The following COL17A1 variants were observed in gnomAD, a reference collection of about 807,000 sequenced individuals.
The protein encoded by COL17A1 is collagen type XVII alpha 1 chain, also known as collagen alpha-1(XVII) chain.
In COL17A1, 181 loss-of-function variants were observed where a neutral mutation model predicts 218.4. That is an observed-to-expected ratio of 0.83 (90% CI 0.73 to 0.94). The LOEUF (loss-of-function observed/expected upper bound fraction) is 0.94. Among genes scored for constraint, COL17A1 ranks in the 40% least tolerant of loss-of-function variants. The pLI is 0.00. For missense variants in COL17A1, 1,924 were observed against 1,945.9 expected, an observed-to-expected ratio of 0.99 and a Z score of 0.21; for synonymous variants, 721 against 731.0, an observed-to-expected ratio of 0.99 and a Z score of 0.22.
At chr10:104,068,966 G>A (rs2086648452) in intron 9 of COL17A1, among the ~76,000 whole-genome samples, 1 of 152,296 alleles carries the variant, frequency 6.6e-6, no homozygotes, top group Non-Finnish European at 1.5e-5. Flanking sequence ...GAAAACTGAT[G>A]TCCATACTGC....
rs1715686976 is a variant in COL17A1, at chr10:104,034,092, A to G, written c.4009T>C (p.Tyr1337His). 6.2e-7 allele frequency: 1 copy of G among 1,613,978 alleles called. No homozygotes were observed. The highest frequency in any genetic ancestry group is 8.5e-7 in the Non-Finnish European group (1 of 1,180,032). Residue 1337 changes from tyrosine to histidine, a missense_variant, in exon 52 of 56, where the codon TAT (tyrosine) becomes CAT (histidine). Coordinates refer to ENST00000648076, the MANE Select transcript of COL17A1 (RefSeq NM_000494.4). ...CCGCCTGGGCCGATGTCAGTGCCAT[A>G]GGGACCCCTGTCTCCTGCAGCTTCA... is the stretch of plus-strand genomic sequence containing the variant. ...FGEAAGDRGP[Y>H]GTDIGPGGGY...
rs1182683419 is a variant in COL17A1 at position 104,055,816 on chromosome 10, G to C, written c.1653C>G (p.Phe551Leu). 3 of 1,613,994 alleles carry C rather than the reference G, an allele frequency of 1.9e-6. No individual in the cohort carries two copies. Among genetic ancestry groups the C allele is most frequent in the Admixed American group, 3.3e-5 (2 of 60,002 alleles). The change falls in exon 18 of 56, where the codon TTC (phenylalanine) becomes TTG (leucine). Residue 551 changes from phenylalanine to leucine, a missense_variant. Physicochemically the swap from Phe to Leu is conservative, Grantham distance 22. Coordinates refer to ENST00000648076, the MANE Select transcript of COL17A1 (RefSeq NM_000494.4). Reference protein sequence around the residue: ...HSDSQEELWMFVRKKLMMEQE... With the variant: ...HSDSQEELWMLVRKKLMMEQE... Reference sequence around the variant, plus strand: ...GTTCCATCATTAGCTTCTTCCTCACGAACATCCAGAGCTCCTCCTGGCTGT... The same window carrying C: ...GTTCCATCATTAGCTTCTTCCTCACCAACATCCAGAGCTCCTCCTGGCTGT...
Position 104,073,207 on chromosome 10 carries a change from C to A in COL17A1, c.415+3G>T, listed in dbSNP as rs1331959774. ...TTGGACTGAACCCAGTGACAGCACTCACCTCGTGTTTGACTCCGTCCTCTG... is the reference window on the plus strand; with the variant it reads ...TTGGACTGAACCCAGTGACAGCACTAACCTCGTGTTTGACTCCGTCCTCTG... On this transcript the variant is annotated splice_donor_region_variant and intron_variant, in intron 7 of 55. Transcript: ENST00000648076. The A allele has an allele frequency of 1.2e-6, 2 of 1,613,782 alleles. No homozygotes were observed. The highest frequency in any genetic ancestry group is 2.2e-5 in the South Asian group (2 of 91,068).
At chr10:104,039,929 C>G in intron 41 of COL17A1, 44 bp downstream of exon 41, 2 of 1,613,858 alleles carry the variant, frequency 1.2e-6, no homozygotes, top group Non-Finnish European at 1.7e-6. Flanking sequence ...TTTTGCCATC[C>G]CCACCCCTAC....
intron 9 of COL17A1, among the ~76,000 whole-genome samples, chr10:104,068,346 A>G (rs1388079131): frequency 2.6e-5 from 4 of 152,234 alleles, no homozygotes; most frequent in Non-Finnish European, 5.9e-5. Context: ...ATCAAACTAA[A>G]GTTAAACCAC....
Position 104,034,213 on chromosome 10 carries a change from T to C in COL17A1, c.3888A>G (p.Ser1296=), listed in dbSNP as rs1362320355. ...ASHSRGSSSS[S]HSSSVRRGSS... is the part of the protein sequence containing the mutation. ...TGCCCCGCCTGACAGATGAGCTGTG[T>C]GAGGAGGAGCTGCTACCCCGACTGT... The change falls in exon 52 of 56, where the codon TCA becomes TCG. Residue 1296 remains serine, a synonymous_variant. Coordinates refer to ENST00000648076, the MANE Select transcript of COL17A1 (RefSeq NM_000494.4). The C allele has an allele frequency of 2.5e-6, 4 of 1,612,714 alleles. No individual in the cohort carries two copies. Among genetic ancestry groups the C allele is most frequent in the Non-Finnish European group, 2.5e-6 (3 of 1,179,864 alleles).
Position 104,032,415 on chromosome 10 carries a change from A to T in COL17A1, c.4439-125T>A, listed in dbSNP as rs557884523. On this transcript the variant is annotated intron_variant, in intron 55 of 55. Transcript: ENST00000648076. ...CTTCAAAGGTGAAATCTTTTGTAAG[A>T]CTACATTTATTTAACTTGTTTGCCC... 54 of 885,574 alleles carry T rather than the reference A, an allele frequency of 6.1e-5. 1 individual carries two copies. Among genetic ancestry groups the T allele is most frequent in the South Asian group, 5.6e-4 (41 of 72,738 alleles). 54.9% of individuals were successfully genotyped at this position (885,574 alleles called of 1,614,324 possible).
chr10:104,071,150 G>A (rs1222916575), intron 8 of COL17A1, among the ~76,000 whole-genome samples: 1 of 152,200 alleles, frequency 6.6e-6, no homozygotes, highest in African/African-American at 2.4e-5. Flanking sequence ...GGAAGCAGGA[G>A]AGGTGGGAGG....
chr10:104,033,153 T>C, intron 53 of COL17A1, 85 bp downstream of exon 53: 1 of 1,544,328 alleles, frequency 6.5e-7, no homozygotes, highest in South Asian at 1.2e-5. Context: ...ACTGGAGATT[T>C]CTCATGAGAC....
chr10:104,042,574 T>A (rs1356613861), intron 35 of COL17A1, 119 bp from the exon 36 acceptor site: 1 of 962,842 alleles, frequency 1.0e-6, no homozygotes, highest in Non-Finnish European at 1.6e-6. Flanking sequence ...CCTTGCTTAT[T>A]TGAGAGCAAT....
At position 104,035,281 on chromosome 10, in the gene COL17A1, G is replaced by A. The variant is rs1470789644; in HGVS notation, c.3601C>T (p.Leu1201Phe). The A allele has an allele frequency of 2.5e-6, 4 of 1,614,002 alleles. No individual in the cohort carries two copies. Among genetic ancestry groups the A allele is most frequent in the Non-Finnish European group, 3.4e-6 (4 of 1,179,956 alleles). Residue 1201 changes from leucine (L) to phenylalanine (F), a missense_variant, in exon 50 of 56, where the codon CTC becomes TTC. Transcript: ENST00000648076. ...GCCCTACTATGTAAGTAAGACGAGA[G>A]GTCCTCCACGCTGATGCTGGACCAC... ...NVWSSISVED[L>F]SSYLHTAGLS...
chr10:104,054,868 C>G (rs1034817982), intron 20 of COL17A1, 113 bp downstream of exon 20: 23 of 1,525,032 alleles, frequency 1.5e-5, no homozygotes, highest in Non-Finnish European at 2.0e-5. Flanking sequence ...CCTGTCCCAT[C>G]TGTTGTCAAA....
intron 38 of COL17A1, 63 bp from the exon 39 acceptor site, chr10:104,041,181 G>A: frequency 6.2e-7 from 1 of 1,608,726 alleles, no homozygotes; most frequent in South Asian, 1.1e-5. Context: ...CCTCTGCTCA[G>A]GAGGAGGCAG....
chr10:104,045,524 T>C (rs1267937950), intron 33 of COL17A1, among the ~76,000 whole-genome samples: 1 of 149,818 alleles, frequency 6.7e-6, no homozygotes, highest in Non-Finnish European at 1.5e-5. Context: ...CATCCAAGTA[T>C]GAAAGCAAGG....
At chr10:104,064,890 G>C (rs2086614055) in intron 9 of COL17A1, among the ~76,000 whole-genome samples, 2 of 152,138 alleles carry the variant, frequency 1.3e-5, no homozygotes, top group African/African-American at 2.4e-5. Flanking sequence ...CCCATCTCCT[G>C]GTGGGCTGTC....
At chr10:104,058,767 A>G (rs1311715142) in intron 15 of COL17A1, among the ~76,000 whole-genome samples, 1 of 152,116 alleles carries the variant, frequency 6.6e-6, no homozygotes, top group East Asian at 1.9e-4. Flanking sequence ...CCCCGTCTGT[A>G]CTAAAAATAC....
Position 104,054,666 on chromosome 10 carries a change from G to A in COL17A1, c.1744+315C>T, listed in dbSNP as rs573991389. Among the ~76,000 whole-genome samples the A allele has an allele frequency of 1.6e-4, 25 of 152,250 alleles. No individual in the cohort carries two copies. The East Asian group carries it at 1.7e-3, about 11-fold the overall frequency. On this transcript the variant is annotated intron_variant, in intron 20 of 55. Coordinates refer to ENST00000648076, the MANE Select transcript of COL17A1 (RefSeq NM_000494.4). ...GTATTCTTCTGGCTGCAGAATCACC[G>A]TGGATGACTAAGATAAAGACTCCTG...
At chr10:104,074,576 C>CA (rs1198269315) in intron 5 of COL17A1, among the ~76,000 whole-genome samples, 5 of 152,198 alleles carry the variant, frequency 3.3e-5, no homozygotes, top group Admixed American at 1.3e-4. Flanking sequence ...CTGCCCTGAT[C>CA]AAGTAACCTG....
At chr10:104,042,384 G>T (rs1445940728) in intron 36 of COL17A1, 36 bp downstream of exon 36, 3 of 1,612,328 alleles carry the variant, frequency 1.9e-6, no homozygotes, top group African/African-American at 2.7e-5. Flanking sequence ...TCCCGACTGG[G>T]CCCATCGCTT....
Sources: allele counts gnomAD v4.1 joint callset (sites outside exome capture counted in the v4.1 genomes callset), GRCh38; gene constraint gnomAD v4.1.1; transcripts MANE v1.5; gene names NCBI Gene and HGNC (gene_info 2026-07-23, HGNC 2026-07-21).